The following RALGPS1 variants were observed in gnomAD, a reference collection of about 807,000 sequenced individuals.
RALGPS1 encodes the protein ras-specific guanine nucleotide-releasing factor RalGPS1.
RALGPS1 carries 19 observed loss-of-function variants against 78.8 expected under a neutral mutation model. The ratio of observed to expected loss-of-function variants is 0.24; its 90% CI spans 0.17 to 0.35. RALGPS1 has a LOEUF of 0.35. RALGPS1 is among the 10% of genes least tolerant of loss of function. The pLI is 1.00. For missense variants in RALGPS1, 454 were observed against 688.3 expected, an observed-to-expected ratio of 0.66 and a Z score of 3.81; for synonymous variants, 228 against 256.3, an observed-to-expected ratio of 0.89 and a Z score of 1.06.
intron 8 of RALGPS1, among the ~76,000 whole-genome samples, chr9:127,103,990 GA>G (rs1425851084): frequency 3.9e-5 from 6 of 152,132 alleles, no homozygotes; most frequent in Admixed American, 2.6e-4. Context: ...TGACCTCTAT[GA>G]ACCTCAATAT....
In RALGPS1 at chr9:127,047,052, A is replaced by G. The variant is rs150373600; in HGVS notation, c.301-2991A>G. On this transcript the variant is annotated intron_variant, in intron 5 of 18. Coordinates refer to ENST00000259351, the MANE Select transcript of RALGPS1 (RefSeq NM_014636.3). ...TGTATGGCAACATGGATCTGCTTCA[A>G]CTTGTTGATGGGTAAACAAATAGAC... Among the ~76,000 whole-genome samples the G allele has an allele frequency of 5.5e-4, 83 of 151,962 alleles. 2 individuals are homozygous for G. Among genetic ancestry groups the G allele is most frequent in the South Asian group, 1.5e-3 (7 of 4,826 alleles).
chr9:127,131,159 A>G (rs573129629), intron 8 of RALGPS1, among the ~76,000 whole-genome samples: 4 of 152,322 alleles, frequency 2.6e-5, no homozygotes, highest in African/African-American at 9.6e-5. Context: ...TGTAAGCCCC[A>G]GGCAGCCGTG....
At chr9:127,047,287 T>A (rs1160184587) in intron 5 of RALGPS1, among the ~76,000 whole-genome samples, 1 of 152,244 alleles carries the variant, frequency 6.6e-6, no homozygotes, top group African/African-American at 2.4e-5. Flanking sequence ...TACTTCTCTA[T>A]GATGAAATAC....
chr9:127,197,253 G>A (rs1475647027), intron 13 of RALGPS1, among the ~76,000 whole-genome samples: 1 of 151,962 alleles, frequency 6.6e-6, no homozygotes, highest in Non-Finnish European at 1.5e-5. Flanking sequence ...AGCTCTGGTT[G>A]TAGGTCCGTA....
At chr9:127,019,616 C>G (rs1479729680) in intron 4 of RALGPS1, among the ~76,000 whole-genome samples, 13 of 152,078 alleles carry the variant, frequency 8.5e-5, no homozygotes, top group Non-Finnish European at 1.5e-5. Flanking sequence ...TGTGAGCAAC[C>G]GCGCCTGGCT....
intron 14 of RALGPS1, among the ~76,000 whole-genome samples, chr9:127,201,695 A>C (rs2061640549): frequency 6.6e-6 from 1 of 151,852 alleles, no homozygotes; most frequent in Non-Finnish European, 1.5e-5. Context: ...CCCGATGCTT[A>C]GCTCCTCCAG....
Position 127,199,126 on chromosome 9 carries a change from G to A in RALGPS1, c.1247+60G>A, listed in dbSNP as rs372365241. 85 of 1,520,376 alleles carry A rather than the reference G, an allele frequency of 5.6e-5. No homozygotes were observed. In the East Asian group the frequency reaches 8.6e-4, roughly 15 times the overall value. 94.2% of individuals were successfully genotyped at this position (1,520,376 alleles called of 1,614,324 possible). A position where few individuals can be genotyped will look rare whatever the true frequency, so the allele number is the denominator to read the frequency against. ...GGCGGTGCTCAGGGCTGAGGGAGCC[G>A]AAGACAGGCCCCGGGCAGGGACGGG... On this transcript the variant is annotated intron_variant, in intron 14 of 18. Transcript: ENST00000259351.
intron 10 of RALGPS1, among the ~76,000 whole-genome samples, chr9:127,174,475 G>A (rs1435659133): frequency 2.6e-5 from 4 of 152,144 alleles, no homozygotes; most frequent in Non-Finnish European, 5.9e-5. Context: ...GGTTCAGAGT[G>A]AACACATCTG....
chr9:127,033,323 T>A (rs2046583739), intron 4 of RALGPS1, among the ~76,000 whole-genome samples: 1 of 152,138 alleles, frequency 6.6e-6, no homozygotes, highest in Non-Finnish European at 1.5e-5. Context: ...CCCCTGTCTG[T>A]GGCTGATTGT....
chr9:126,954,522 T>TA (rs2038164880), intron 1 of RALGPS1, among the ~76,000 whole-genome samples: 1 of 152,154 alleles, frequency 6.6e-6, no homozygotes, highest in African/African-American at 2.4e-5. Flanking sequence ...CATGGTGGCT[T>TA]ATGCCTGTAA....
At chr9:127,156,189 A>G (rs2058700479) in intron 8 of RALGPS1, among the ~76,000 whole-genome samples, 1 of 152,240 alleles carries the variant, frequency 6.6e-6, no homozygotes, top group African/African-American at 2.4e-5. Flanking sequence ...AAAATAATTT[A>G]TATAAACCAT....
At chr9:127,103,271 C>T (rs2053909371) in intron 8 of RALGPS1, among the ~76,000 whole-genome samples, 1 of 152,214 alleles carries the variant, frequency 6.6e-6, no homozygotes, top group Non-Finnish European at 1.5e-5. Context: ...GGAAAACACT[C>T]TTGTTCAAGT....
chr9:127,212,720 G>GT lies in RALGPS1; in HGVS notation c.1446+2dup. On this transcript the variant is annotated splice_donor_variant, in intron 16 of 18. Coordinates refer to ENST00000259351, the MANE Select transcript of RALGPS1 (RefSeq NM_014636.3). LOFTEE classifies it high-confidence loss of function. The surrounding 1 kb of genome is among the most constrained non-coding windows in gnomAD (Gnocchi z 6.0). Reference sequence around the variant, plus strand: ...CTTGCGGGGCACAGACAGAAAACACGTAAGTCCCTTGAAAGGACTCTAGTG... The same window carrying GT: ...CTTGCGGGGCACAGACAGAAAACACGTTAAGTCCCTTGAAAGGACTCTAGTG... 2 of 1,607,962 alleles carry GT rather than the reference G, an allele frequency of 1.2e-6. No homozygotes were observed. Among genetic ancestry groups the GT allele is most frequent in the Non-Finnish European group, 1.7e-6 (2 of 1,174,708 alleles).
intron 8 of RALGPS1, among the ~76,000 whole-genome samples, chr9:127,164,067 T>G (rs888616908): frequency 2.0e-5 from 3 of 152,016 alleles, no homozygotes; most frequent in African/African-American, 4.8e-5. Flanking sequence ...AAATGGTTAG[T>G]TTTTTTTCTG....
At position 127,195,088 on chromosome 9, in the gene RALGPS1, C is replaced by T. The variant is rs1181514813; in HGVS notation, c.911-3C>T. The T allele has an allele frequency of 1.2e-6, 2 of 1,613,144 alleles. No homozygotes were observed. Among genetic ancestry groups the T allele is most frequent in the East Asian group, 2.2e-5 (1 of 44,866 alleles). ...GTTGTTGCTCTCTCTGCTCTGTTTG[C>T]AGGTCCCTCTGCTGGCTCCGGTTCT... On this transcript the variant is annotated splice_region_variant and splice_polypyrimidine_tract_variant and intron_variant, in intron 11 of 18. Coordinates refer to ENST00000259351, the MANE Select transcript of RALGPS1 (RefSeq NM_014636.3).
At chr9:126,944,516 C>T (rs1357409687) in intron 1 of RALGPS1, among the ~76,000 whole-genome samples, 2 of 135,932 alleles carry the variant, frequency 1.5e-5, no homozygotes, top group Non-Finnish European at 1.5e-5. Context: ...AATGGTTTTT[C>T]ACAGGAAATG....
At position 126,958,550 on chromosome 9, in the gene RALGPS1, G is replaced by A. The variant is rs554341502; in HGVS notation, c.-65-3675G>A. On this transcript the variant is annotated intron_variant, in intron 1 of 18. Coordinates refer to ENST00000259351, the MANE Select transcript of RALGPS1 (RefSeq NM_014636.3). Reference sequence around the variant, plus strand: ...TCCTTTTCATCTGTCTTCTTTCCCCGAGCATGTGTTTTAAGGTTTGTTGGT... The same window carrying A: ...TCCTTTTCATCTGTCTTCTTTCCCCAAGCATGTGTTTTAAGGTTTGTTGGT... 4.3e-4 allele frequency among the ~76,000 whole-genome samples: 65 copies of A among 152,146 alleles called. 1 individual carries two copies. Among genetic ancestry groups the A allele is most frequent in the African/African-American group, 1.5e-3 (64 of 41,502 alleles).
At chr9:127,084,773 T>C (rs1206802847) in intron 8 of RALGPS1, among the ~76,000 whole-genome samples, 1 of 152,254 alleles carries the variant, frequency 6.6e-6, no homozygotes, top group East Asian at 1.9e-4. Flanking sequence ...TGCGGGGCCA[T>C]GCCCTTTGCA....
chr9:127,099,694 T>C (rs2053528668), intron 8 of RALGPS1, among the ~76,000 whole-genome samples: 1 of 152,244 alleles, frequency 6.6e-6, no homozygotes, highest in African/African-American at 2.4e-5. Context: ...TGTATATATA[T>C]TCTATGTCAA....
Sources: gnomAD v4.1 joint callset for allele counts (sites outside exome capture counted in the v4.1 genomes callset) on GRCh38, gnomAD v4.1.1 for gene constraint, Gnocchi (gnomAD v3.1) non-coding constraint, MANE v1.5 for transcripts, NCBI Gene and HGNC (gene_info 2026-07-23, HGNC 2026-07-21) for gene names.